The following POMK variants were observed in gnomAD, a reference collection of about 807,000 sequenced individuals.
POMK encodes protein O-mannose kinase.
Under a neutral mutation model 23.0 loss-of-function variants are expected in POMK, and 19 were observed. The ratio of observed to expected loss-of-function variants is 0.83; its 90% confidence interval spans 0.58 to 1.21. The LOEUF (loss-of-function observed/expected upper bound fraction) is 1.21, where lower values mean the gene tolerates loss of function less well. Among genes scored for constraint, POMK ranks in the 50% most tolerant of loss-of-function variants. The pLI is 0.00. For missense variants in POMK, 410 were observed against 431.3 expected (o/e 0.95, Z 0.44); for synonymous variants, 173 against 171.6 (o/e 1.01, Z -0.06).
chr8:43,094,133 G>T (rs545920980), intron 1 of POMK, among the ~76,000 whole-genome samples: 27 of 152,238 alleles, frequency 1.8e-4, no homozygotes, highest in Middle Eastern at 3.4e-3. Context: ...TCGCTCTGTC[G>T]CCCAGGCTGG....
intron 2 of POMK, among the ~76,000 whole-genome samples, chr8:43,098,814 T>C (rs995199748): frequency 2.6e-5 from 4 of 152,230 alleles, no homozygotes; most frequent in African/African-American, 9.6e-5. Flanking sequence ...TAAAATGCCA[T>C]CTTGTCACAC....
At chr8:43,111,062 C>A (rs999921164) in intron 4 of POMK, among the ~76,000 whole-genome samples, 3 of 152,132 alleles carry the variant, frequency 2.0e-5, no homozygotes, top group African/African-American at 7.2e-5. Context: ...CTGGGGAGTG[C>A]CGGACAGTGG....
rs569991321 is a variant in POMK at position 43,123,057 on chromosome 8, A to G, written c.*180A>G. 5.1e-5 allele frequency: 24 copies of G among 473,986 alleles called. No homozygotes were observed. The East Asian group carries it at 8.5e-4, about 17-fold the overall frequency. 29.4% of individuals were successfully genotyped at this position (473,986 alleles called of 1,614,324 possible). A position where few individuals can be genotyped will look rare whatever the true frequency, so the allele number is the denominator to read the frequency against. On this transcript the variant is annotated 3_prime_UTR_variant, in exon 5 of 5. Coordinates refer to ENST00000331373, the MANE Select transcript of POMK (RefSeq NM_032237.5). ...GTATGTAGTCCACATTGGTTGTTAG[A>G]TTTTTTTTTTTTTCTTTGAGATGCG...
chr8:43,096,971 C>T (rs747683364), intron 1 of POMK, among the ~76,000 whole-genome samples: 31 of 152,126 alleles, frequency 2.0e-4, no homozygotes, highest in Non-Finnish European at 3.2e-4. Flanking sequence ...GTATGAGAAG[C>T]GGAGTTTGGT....
intron 1 of POMK, among the ~76,000 whole-genome samples, chr8:43,093,901 C>T (rs1173561217): frequency 1.3e-5 from 2 of 152,170 alleles, no homozygotes; most frequent in African/African-American, 4.8e-5. Flanking sequence ...GGCAACATGG[C>T]GGAACTTCTG....
At chr8:43,121,920 T>C (rs1004047024) in intron 4 of POMK, among the ~76,000 whole-genome samples, 187 bp from the exon 5 acceptor site, 1 of 152,266 alleles carries the variant, frequency 6.6e-6, no homozygotes, top group African/African-American at 2.4e-5. Context: ...CTTGCCTTGC[T>C]GAATGCTGTG....
intron 2 of POMK, among the ~76,000 whole-genome samples, chr8:43,101,416 T>TTTCCTTCCCAG (rs1406428691): frequency 9.1e-6 from 1 of 109,326 alleles, no homozygotes; most frequent in African/African-American, 4.0e-5. Flanking sequence ...AGACCCTATG[T>TTTCCTTCCCAG]CAAAAAAAAA....
Position 43,113,277 on chromosome 8 carries a change from T to C in POMK, c.283-8830T>C, listed in dbSNP as rs1274993290. ...CAGACGTAGATTTGGTCTTTTCACA[T>C]AGTCTCATATTTCTTGGAGGCTTTG... On this transcript the variant is annotated intron_variant, in intron 4 of 4. Coordinates refer to ENST00000331373, the MANE Select transcript of POMK (RefSeq NM_032237.5). Among the ~76,000 whole-genome samples the C allele has an allele frequency of 3.9e-5, 6 of 152,230 alleles. No homozygotes were observed. The East Asian group carries it at 1.2e-3, about 29-fold the overall frequency.
At chr8:43,102,928 C>T (rs1401301963) in intron 3 of POMK, among the ~76,000 whole-genome samples, 3 of 152,212 alleles carry the variant, frequency 2.0e-5, no homozygotes, top group African/African-American at 7.2e-5. Context: ...ATGTACTTGT[C>T]AGCTCCTGTC....
intron 2 of POMK, among the ~76,000 whole-genome samples, chr8:43,102,161 C>G (rs968745584): frequency 6.6e-6 from 1 of 152,210 alleles, no homozygotes; most frequent in Non-Finnish European, 1.5e-5. Flanking sequence ...AGACTTTTCC[C>G]CTAAGCTCCA....
At position 43,122,390 on chromosome 8, in the gene POMK, T is replaced by G; in HGVS notation, c.566T>G (p.Ile189Ser). Reference sequence around the variant, plus strand: ...CTGGCCATGGACTATGTCAGCATCATTAATTACCTGCACCACAGCCCTGTG... The same window carrying G: ...CTGGCCATGGACTATGTCAGCATCAGTAATTACCTGCACCACAGCCCTGTG... ...LELAMDYVSIINYLHHSPVGT... is the reference protein window; with the variant it reads ...LELAMDYVSISNYLHHSPVGT... The change falls in exon 5 of 5, where the codon ATT becomes AGT. Residue 189 changes from isoleucine (I) to serine (S), a missense_variant. Coordinates refer to ENST00000331373, the MANE Select transcript of POMK (RefSeq NM_032237.5). 6.2e-7 allele frequency: 1 copy of G among 1,614,228 alleles called. No homozygotes were observed. Among genetic ancestry groups the G allele is most frequent in the Non-Finnish European group, 8.5e-7 (1 of 1,180,048 alleles).
At position 43,105,751 on chromosome 8, in the gene POMK, ACT is replaced by A. The variant is rs1418217444; in HGVS notation, c.282+1922_282+1923del. Among the ~76,000 whole-genome samples, 14 of 152,180 alleles carry A rather than the reference ACT, an allele frequency of 9.2e-5. No individual in the cohort carries two copies. In the East Asian group the frequency reaches 2.7e-3, roughly 29 times the overall value. ...GCAGTCTCGACTCACTACCACCTCC[ACT>A]TCTGGGTTCAAGCAATTCTCCTGCC... On this transcript the variant is annotated intron_variant, in intron 4 of 4. Transcript: ENST00000331373.
Position 43,122,498 on chromosome 8 carries a change from C to T in POMK, c.674C>T (p.Ala225Val), listed in dbSNP as rs762504780. The T allele has an allele frequency of 1.9e-6, 3 of 1,614,118 alleles. No individual in the cohort carries two copies. The highest frequency in any genetic ancestry group is 2.5e-6 in the Non-Finnish European group (3 of 1,179,998). The stretch of plus-strand genomic sequence containing the variant: ...CTAACAAGCAACTTCAGCATTTTGG[C>T]AAATGACTTGGACGCCTTACCCCTG... Reference protein sequence around the residue: ...YLLTSNFSILANDLDALPLVN... With the variant: ...YLLTSNFSILVNDLDALPLVN... Residue 225 changes from alanine (A) to valine (V), a missense_variant, in exon 5 of 5, where the codon GCA becomes GTA. Transcript: ENST00000331373.
chr8:43,101,611 G>A (rs2130598598), intron 2 of POMK, among the ~76,000 whole-genome samples: 1 of 152,034 alleles, frequency 6.6e-6, no homozygotes, highest in East Asian at 1.9e-4. Context: ...AGATGTGCAG[G>A]ATTATCTCCA....
intron 4 of POMK, among the ~76,000 whole-genome samples, chr8:43,118,438 G>C (rs1208103082): frequency 6.6e-6 from 1 of 152,150 alleles, no homozygotes; most frequent in Non-Finnish European, 1.5e-5. Flanking sequence ...TTTGGGTCGG[G>C]AAGTAAAACT....
chr8:43,099,252 C>T (rs1406356491), intron 2 of POMK, among the ~76,000 whole-genome samples: 2 of 152,226 alleles, frequency 1.3e-5, no homozygotes, highest in Non-Finnish European at 2.9e-5. Context: ...ATGCCTGACC[C>T]TTTGCACATT....
intron 4 of POMK, among the ~76,000 whole-genome samples, chr8:43,112,244 C>T (rs920240330): frequency 3.7e-4 from 56 of 152,272 alleles, no homozygotes; most frequent in Admixed American, 7.8e-4. Context: ...AGCTGAAAAC[C>T]ACGGCACAAG....
At chr8:43,116,277 T>C (rs906215546) in intron 4 of POMK, among the ~76,000 whole-genome samples, 8 of 152,216 alleles carry the variant, frequency 5.3e-5, no homozygotes, top group Non-Finnish European at 1.2e-4. Context: ...TTAATTATAT[T>C]CTTTTTCTTT....
chr8:43,107,634 A>G (rs530577352), intron 4 of POMK, among the ~76,000 whole-genome samples: 159 of 151,800 alleles, frequency 1.0e-3, no homozygotes, highest in African/African-American at 3.6e-3. Context: ...TGGTCTCCCA[A>G]AGTGCTGGGA....
Sources: gnomAD v4.1 joint callset for allele counts (sites outside exome capture counted in the v4.1 genomes callset) on GRCh38, gnomAD v4.1.1 for gene constraint, MANE v1.5 for transcripts, NCBI Gene and HGNC (gene_info 2026-07-23, HGNC 2026-07-21) for gene names.